The following TIAM2 variants were observed in gnomAD, a reference collection of about 807,000 sequenced individuals.
The protein encoded by TIAM2 is TIAM Rac1 associated GEF 2.
A neutral mutation model predicts 152.9 loss-of-function variants in TIAM2; 80 were observed. The observed-to-expected ratio is 0.52, with a 90% CI of 0.44 to 0.63. The LOEUF is 0.63. TIAM2 is among the 30% of genes least tolerant of loss of function. TIAM2 has a pLI of 0.00. For synonymous variants in TIAM2, 804 were observed against 838.0 expected, an observed-to-expected ratio of 0.96 and a Z score of 0.70; for missense variants, 1,965 against 2,120.1, an observed-to-expected ratio of 0.93 and a Z score of 1.44.
At position 155,028,812 on chromosome 6, in the gene TIAM2, A is replaced by ATATACTGTGTTATATACTACATG. The variant is rs1209193764; in HGVS notation, c.-209+33322_-209+33323insTACTGTGTTATATACTACATGTA. Among the ~76,000 whole-genome samples the ATATACTGTGTTATATACTACATG allele has an allele frequency of 4.5e-3, 406 of 89,796 alleles. 4 individuals are homozygous for ATATACTGTGTTATATACTACATG. Among genetic ancestry groups the ATATACTGTGTTATATACTACATG allele is most frequent in the African/African-American group, 6.3e-3 (132 of 20,914 alleles). The allele number at this position is 89,796 out of a possible 152,430, so 58.9% of individuals were successfully genotyped here. On this transcript the variant is annotated intron_variant, in intron 1 of 26. Transcript: ENST00000682666. ...ATATATACTGTGTTATATACTATATATAATATATATACTGTGTTATATATA... is the reference window on the plus strand; with the variant it reads ...ATATATACTGTGTTATATACTATATATATACTGTGTTATATACTACATGTAATATATATACTGTGTTATATATA...
At position 155,060,545 on chromosome 6, in the gene TIAM2, G is replaced by T. The variant is rs553356261; in HGVS notation, c.-208-29744G>T. Among the ~76,000 whole-genome samples the T allele has an allele frequency of 4.6e-5, 7 of 152,204 alleles. No individual in the cohort carries two copies. In the South Asian group the frequency reaches 8.3e-4, roughly 18 times the overall value. On this transcript the variant is annotated intron_variant, in intron 1 of 26. Coordinates refer to ENST00000682666, the MANE Select transcript of TIAM2 (RefSeq NM_012454.4). Reference sequence around the variant, plus strand: ...AGCCATTATTTTATTCTTTGAGTTAGAACTCAATACTATCATTATTATGTT... The same window carrying T: ...AGCCATTATTTTATTCTTTGAGTTATAACTCAATACTATCATTATTATGTT...
intron 14 of TIAM2, among the ~76,000 whole-genome samples, chr6:155,207,659 T>C (rs141477982): frequency 1.3e-3 from 195 of 152,240 alleles, no homozygotes; most frequent in South Asian, 4.8e-3. Flanking sequence ...CAAAGTTTCC[T>C]TGAAGTTAAG....
rs1257714103 is a variant in TIAM2 at position 155,244,644 on chromosome 6, T to C, written c.3418-14T>C. On this transcript the variant is annotated splice_polypyrimidine_tract_variant and intron_variant, in intron 17 of 26. Coordinates refer to ENST00000682666, the MANE Select transcript of TIAM2 (RefSeq NM_012454.4). Reference sequence around the variant, plus strand: ...TGGCTAATCCCCTCATTTCAAATCCTGATCTTCACATAGATGGAGTCACTT... The same window carrying C: ...TGGCTAATCCCCTCATTTCAAATCCCGATCTTCACATAGATGGAGTCACTT... 1 of 1,613,036 alleles carries C rather than the reference T, an allele frequency of 6.2e-7. No individual in the cohort carries two copies. The highest frequency in any genetic ancestry group is 1.1e-5 in the South Asian group (1 of 90,876).
At chr6:155,099,994 G>A (rs1395566308) in intron 2 of TIAM2, among the ~76,000 whole-genome samples, 9 of 152,158 alleles carry the variant, frequency 5.9e-5, no homozygotes, top group Non-Finnish European at 1.3e-4. Context: ...ATAGAGAAAA[G>A]GTACAGTAAA....
intron 1 of TIAM2, among the ~76,000 whole-genome samples, chr6:155,012,037 G>T (rs933751046): frequency 6.6e-6 from 1 of 152,162 alleles, no homozygotes; most frequent in African/African-American, 2.4e-5. Flanking sequence ...TCCAAGAGAA[G>T]TATTGTAAAT....
At chr6:155,057,286 G>T (rs1205032504) in intron 1 of TIAM2, among the ~76,000 whole-genome samples, 1 of 150,992 alleles carries the variant, frequency 6.6e-6, no homozygotes, top group Non-Finnish European at 1.5e-5. Context: ...CGATTTGCCC[G>T]CCTCAGCCTC....
At chr6:155,083,646 A>G (rs896134123) in intron 1 of TIAM2, among the ~76,000 whole-genome samples, 2 of 152,176 alleles carry the variant, frequency 1.3e-5, no homozygotes, top group African/African-American at 4.8e-5. Context: ...ATGAGGAATT[A>G]TTATATTGCT....
intron 14 of TIAM2, among the ~76,000 whole-genome samples, chr6:155,196,999 A>G (rs1002326394): frequency 6.6e-6 from 1 of 152,260 alleles, no homozygotes; most frequent in Admixed American, 6.5e-5. Context: ...GGAAAAAAGC[A>G]CATGAAATTG....
chr6:155,015,944 C>CA (rs3081689), intron 1 of TIAM2, among the ~76,000 whole-genome samples: 6,385 of 61,646 alleles, frequency 0.1, 934 homozygotes, highest in Non-Finnish European at 0.17. Flanking sequence ...TTCAAAAAAC[C>CA]AAAAAAAAAA....
chr6:155,224,124 A>C (rs1186139569), intron 15 of TIAM2, among the ~76,000 whole-genome samples: 1 of 152,056 alleles, frequency 6.6e-6, no homozygotes, highest in Non-Finnish European at 1.5e-5. Flanking sequence ...TCTTGCGTAG[A>C]GATTGTAGTC....
chr6:155,051,592 A>G (rs1304697992), intron 1 of TIAM2, among the ~76,000 whole-genome samples: 1 of 151,880 alleles, frequency 6.6e-6, no homozygotes, highest in Non-Finnish European at 1.5e-5. Context: ...GTTTCCTGTA[A>G]GTCTGCTTGC....
At chr6:155,176,727 A>G in intron 9 of TIAM2, 89 bp from the exon 10 acceptor site, 1 of 1,411,808 alleles carries the variant, frequency 7.1e-7, no homozygotes, top group Non-Finnish European at 9.7e-7. Flanking sequence ...TACTCTAAAT[A>G]CTCCGTAAAT....
intron 9 of TIAM2, 137 bp from the exon 10 acceptor site, chr6:155,176,679 G>A (rs1780766567): frequency 1.2e-5 from 10 of 835,006 alleles, no homozygotes; most frequent in Admixed American, 2.6e-5. Flanking sequence ...AGCCTCAGAG[G>A]GCTGTGAGAA....
intron 4 of TIAM2, among the ~76,000 whole-genome samples, chr6:155,133,628 A>G (rs1488427818): frequency 2.0e-5 from 3 of 152,090 alleles, no homozygotes; most frequent in African/African-American, 7.2e-5. Flanking sequence ...GCCCCTGGCA[A>G]CCACCATTGT....
rs141401040 is a variant in TIAM2 at position 155,252,978 on chromosome 6, A to T, written c.4150A>T (p.Thr1384Ser). The change falls in exon 24 of 27, where the codon ACT becomes TCT. Residue 1384 changes from threonine (T) to serine (S), a missense_variant. Thr to Ser is a moderately conservative substitution (Grantham distance 58). Around this residue, in one of 3 missense-constraint regions of TIAM2, gnomAD observed 935 missense variants for 980.0 expected, o/e 0.95. Coordinates refer to ENST00000682666, the MANE Select transcript of TIAM2 (RefSeq NM_012454.4). ...PSNSRPAHNS[T>S]DLDPFKFRWL... is the part of the protein sequence containing the mutation. ...GAATTCCCGGCCTGCACACAACTCT[A>T]CTGACTTGGACCCATTTAAATTCCG... The T allele has an allele frequency of 6.2e-7, 1 of 1,613,686 alleles. No individual in the cohort carries two copies.
At chr6:155,109,946 CTTTTTTTTTT>C (rs72211101) in intron 2 of TIAM2, among the ~76,000 whole-genome samples, 46,126 of 138,918 alleles carry the variant, frequency 0.33, 7,712 homozygotes, top group Admixed American at 0.43. Context: ...AATGCACAGA[CTTTTTTTTTT>C]TTTTTTTTTT....
intron 7 of TIAM2, chr6:155,149,322 A>C (rs942896415): frequency 6.0e-6 from 1 of 167,114 alleles, no homozygotes; most frequent in African/African-American, 2.4e-5. Flanking sequence ...TATAGAATCC[A>C]CTACAGCCCC....
rs144364523 is a variant in TIAM2 at position 155,023,904 on chromosome 6, T to C, written c.-209+28412T>C. Among the ~76,000 whole-genome samples, 14 of 152,290 alleles carry C rather than the reference T, an allele frequency of 9.2e-5. No homozygotes were observed. In the Middle Eastern group the frequency reaches 0.01, roughly 111 times the overall value. ...CAAGATGAAGGGATTGGAGAGAGTA[T>C]TTCCAAGACTCTGTTTTATCATCAG... On this transcript the variant is annotated intron_variant, in intron 1 of 26. Transcript: ENST00000682666.
chr6:155,048,672 A>G (rs1404544188), intron 1 of TIAM2, among the ~76,000 whole-genome samples: 2 of 152,160 alleles, frequency 1.3e-5, no homozygotes, highest in South Asian at 2.1e-4. Context: ...CCGCATTAGG[A>G]CTGTGGGAGA....
Sources: allele counts gnomAD v4.1 joint callset (sites outside exome capture counted in the v4.1 genomes callset), GRCh38; gene constraint gnomAD v4.1.1; regional missense constraint gnomAD v4.1.1; transcripts MANE v1.5; gene names NCBI Gene and HGNC (gene_info 2026-07-23, HGNC 2026-07-21).